ZNF454: variants seen among roughly 807,000 people sequenced by gnomAD.
The protein encoded by ZNF454 is zinc finger protein 454.
A neutral mutation model predicts 48.2 loss-of-function variants in ZNF454; 30 were observed. The ratio of observed to expected loss-of-function variants is 0.62; its 90% CI spans 0.47 to 0.84. The LOEUF is 0.84. ZNF454 is among the 40% of genes least tolerant of loss of function. The probability of loss-of-function intolerance (pLI) is 0.00; values close to 1 mark genes in which losing one functional copy is unlikely to be tolerated. For synonymous variants in ZNF454, 204 were observed against 211.4 expected (o/e 0.97, Z 0.30); for missense variants, 510 against 623.1 (o/e 0.82, Z 1.93).
In ZNF454 at chr5:178,946,471, A is replaced by G. The variant is rs778667821; in HGVS notation, c.146A>G (p.Asn49Ser). 2 of 1,599,978 alleles carry G rather than the reference A, an allele frequency of 1.3e-6. No homozygotes were observed. Among genetic ancestry groups the G allele is most frequent in the Admixed American group, 3.7e-5 (2 of 54,282 alleles). ...YRDVMLENYS[N>S]LVSLGLLGPK... ...GACGTGATGCTGGAGAACTACAGCA[A>G]CCTGGTCTCACTGGGTAAGTGGGAC... is the stretch of plus-strand genomic sequence containing the variant. Residue 49 changes from asparagine (N) to serine (S), a missense_variant, in exon 3 of 5, where the codon AAC becomes AGC. Around this residue, in one of 3 missense-constraint regions of ZNF454, gnomAD observed 354 missense variants for 408.9 expected, o/e 0.87. Coordinates refer to ENST00000519564, the MANE Select transcript of ZNF454 (RefSeq NM_001178089.3). The surrounding 1 kb of genome is among the most constrained non-coding windows in gnomAD (Gnocchi z 4.5).
At chr5:178,981,801 C>A in the ZNF454 span, 1 of 1,612,464 alleles carries the variant, frequency 6.2e-7, no homozygotes, top group Non-Finnish European at 8.5e-7. This position sits in a 1 kb window ranked among gnomAD's most constrained non-coding sequence, Gnocchi z 5.1. Context: ...TGCCGAGGGA[C>A]ACCGAGGCAC....
the ZNF454 span, chr5:178,986,220 G>C: frequency 1.9e-6 from 3 of 1,614,204 alleles, no homozygotes; most frequent in Non-Finnish European, 2.5e-6. Flanking sequence ...CCTGCTCAAA[G>C]ATGCGGTAGA....
the ZNF454 span, among the ~76,000 whole-genome samples, chr5:178,974,843 A>G: frequency 6.6e-5 from 10 of 152,296 alleles, no homozygotes; most frequent in Non-Finnish European, 1.0e-4. Context: ...TCACAACATG[A>G]GAGTTAAGAG....
chr5:178,964,753 A>T lies in ZNF454; in HGVS notation c.349A>T (p.Ser117Cys). The change falls in exon 5 of 5, where the codon AGT becomes TGT. Residue 117 changes from serine to cysteine, a missense_variant. This residue lies in a region of ZNF454 where 354 missense variants were observed against 408.9 expected (regional missense o/e 0.87). Transcript: ENST00000519564. ...GACAATAAAGGAAAGATTCAGTAGC[A>T]GTAGTCACTGGAAGTGTGCTAGCCT... is the stretch of plus-strand genomic sequence containing the variant. ...QWTIKERFSS[S>C]SHWKCASLLE... The T allele has an allele frequency of 1.2e-6, 2 of 1,614,250 alleles. No homozygotes were observed. Among genetic ancestry groups the T allele is most frequent in the South Asian group, 2.2e-5 (2 of 91,084 alleles).
chr5:178,985,936 AT>A, the ZNF454 span, among the ~76,000 whole-genome samples: 1 of 151,792 alleles, frequency 6.6e-6, no homozygotes, highest in Non-Finnish European at 1.5e-5. Flanking sequence ...TAATTTTCAT[AT>A]TTTTTGCAGA....
Position 178,948,000 on chromosome 5 carries a change from C to T in ZNF454, c.250+1014C>T, listed in dbSNP as rs184143175. 53 of 152,234 alleles carry T rather than the reference C, an allele frequency of 3.5e-4. 1 individual carries two copies. Among genetic ancestry groups the T allele is most frequent in the African/African-American group, 1.2e-3 (48 of 41,510 alleles). The allele number at this position is 152,234 out of a possible 1,614,324, so 9.4% of individuals were successfully genotyped here. Reference sequence around the variant, plus strand: ...CGCAATCTCAGCTCACTGCAACCTCCGCCTCTTGGGTTCGAGCAATTCTCC... The same window carrying T: ...CGCAATCTCAGCTCACTGCAACCTCTGCCTCTTGGGTTCGAGCAATTCTCC... On this transcript the variant is annotated intron_variant, in intron 4 of 4. Coordinates refer to ENST00000519564, the MANE Select transcript of ZNF454 (RefSeq NM_001178089.3).
intron 4 of ZNF454, among the ~76,000 whole-genome samples, chr5:178,957,175 CCCGGCCCAG>C (rs200877575): frequency 0.026 from 3,887 of 152,196 alleles, 80 homozygotes; most frequent in South Asian, 0.074. Flanking sequence ...AGCCACCGCG[CCCGGCCCAG>C]TCTTTCTTAT....
downstream of ZNF454, among the ~76,000 whole-genome samples, chr5:178,967,740 TTC>T (rs1760185217): frequency 1.6e-5 from 1 of 64,212 alleles, no homozygotes; most frequent in South Asian, 6.3e-4. Context: ...CTTTTTCTTT[TTC>T]TTTTTTTTTT....
chr5:178,976,458 G>C, the ZNF454 span, among the ~76,000 whole-genome samples: 14 of 152,010 alleles, frequency 9.2e-5, no homozygotes, highest in Non-Finnish European at 1.9e-4. Context: ...TAAGCAGTCT[G>C]TGGGGGGCAG....
chr5:178,968,025 C>T (rs1348290568), downstream of ZNF454, among the ~76,000 whole-genome samples: 1 of 151,980 alleles, frequency 6.6e-6, no homozygotes, highest in Admixed American at 6.6e-5. Context: ...AGGCATGAGC[C>T]ACCGCACCCG....
the ZNF454 span, chr5:178,982,949 G>A: frequency 0.063 from 101,443 of 1,614,008 alleles, 3,715 homozygotes; most frequent in Non-Finnish European, 0.075. Flanking sequence ...AGATGGGCAC[G>A]AATGCCAGCC....
At chr5:178,982,435 A>C in the ZNF454 span, among the ~76,000 whole-genome samples, 1 of 151,988 alleles carries the variant, frequency 6.6e-6, no homozygotes, top group Admixed American at 6.6e-5. Context: ...AAAATTGCCC[A>C]GGCGTGGTGG....
chr5:178,989,071 A>T, the ZNF454 span: 1 of 1,614,032 alleles, frequency 6.2e-7, no homozygotes, highest in Non-Finnish European at 8.5e-7. Context: ...CGTACACCGC[A>T]TCAATCACAA....
At chr5:178,970,451 G>T (rs926924391), downstream of ZNF454, among the ~76,000 whole-genome samples, 1 of 152,188 alleles carries the variant, frequency 6.6e-6, no homozygotes, top group African/African-American at 2.4e-5. Flanking sequence ...GGACCTCTCG[G>T]CGGTGCTGAT....
intron 4 of ZNF454, among the ~76,000 whole-genome samples, chr5:178,956,458 C>T (rs1222526643): frequency 6.7e-6 from 1 of 148,320 alleles, no homozygotes; most frequent in Non-Finnish European, 1.5e-5. Flanking sequence ...CCGGCCCCAA[C>T]ACAGTTCTCC....
the ZNF454 span, chr5:178,989,874 T>C: frequency 1.5e-4 from 37 of 253,170 alleles, no homozygotes; most frequent in Admixed American, 9.1e-4. Flanking sequence ...GCCCAGGGCT[T>C]TGAGAGCGCA....
chr5:178,965,140 T>C lies in ZNF454; in HGVS notation c.736T>C (p.Cys246Arg), dbSNP rs544953205. 3.7e-6 allele frequency: 6 copies of C among 1,614,058 alleles called. No individual in the cohort carries two copies. Among genetic ancestry groups the C allele is most frequent in the South Asian group, 1.1e-5 (1 of 91,086 alleles). The part of the protein sequence containing the change: ...RIHTGEKPYE[C>R]KECGKAFSVS... ...TCACACTGGCGAGAAACCCTATGAATGTAAGGAATGTGGCAAGGCCTTCTC... is the reference window on the plus strand; with the variant it reads ...TCACACTGGCGAGAAACCCTATGAACGTAAGGAATGTGGCAAGGCCTTCTC... Residue 246 changes from cysteine to arginine, a missense_variant, in exon 5 of 5, where the codon TGT becomes CGT. Physicochemically the swap from Cys to Arg is radical, Grantham distance 180 (BLOSUM62 -3). Around this residue, in one of 3 missense-constraint regions of ZNF454, gnomAD observed 354 missense variants for 408.9 expected, o/e 0.87. Transcript: ENST00000519564. The surrounding 1 kb of genome is among the most constrained non-coding windows in gnomAD (Gnocchi z 5.2).
intron 4 of ZNF454, 106 bp downstream of exon 4, chr5:178,947,092 A>G: frequency 1.1e-6 from 1 of 896,016 alleles, no homozygotes; most frequent in South Asian, 1.6e-5. Flanking sequence ...GAGGATTGAG[A>G]AAGAGCCTGT....
At chr5:178,989,882 G>A in the ZNF454 span, 4 of 239,440 alleles carry the variant, frequency 1.7e-5, no homozygotes, top group South Asian at 6.2e-5. Flanking sequence ...CTTTGAGAGC[G>A]CATTCACTCA....
Sources: allele counts gnomAD v4.1 joint callset (sites outside exome capture counted in the v4.1 genomes callset), GRCh38; gene constraint gnomAD v4.1.1; regional missense constraint gnomAD v4.1.1; non-coding constraint Gnocchi (gnomAD v3.1); transcripts MANE v1.5; gene names NCBI Gene and HGNC (gene_info 2026-07-23, HGNC 2026-07-21).